The following USP13 variants were observed in gnomAD, a reference collection of about 807,000 sequenced individuals.
USP13 encodes ubiquitin carboxyl-terminal hydrolase 13.
In USP13, 68 loss-of-function variants were observed where a neutral mutation model predicts 107.8. The observed-to-expected ratio is 0.63, with a 90% CI of 0.52 to 0.77. The LOEUF is 0.77. Ranked by LOEUF, USP13 falls within the 30% of genes least tolerant of loss-of-function variation. The pLI, the probability that USP13 is intolerant of heterozygous loss-of-function variation, is 0.00. For missense variants in USP13, 945 were observed against 1,093.3 expected (o/e 0.86, Z 1.91); for synonymous variants, 377 against 389.5 (o/e 0.97, Z 0.38).
At chr3:179,723,994 A>AT (rs200927696) in intron 8 of USP13, among the ~76,000 whole-genome samples, 1 of 150,602 alleles carries the variant, frequency 6.6e-6, no homozygotes, top group African/African-American at 2.4e-5. Flanking sequence ...CCCTACAAAA[A>AT]TTTAAAAAAA....
Position 179,758,150 on chromosome 3 carries a change from C to A in USP13, c.1948+1072C>A, listed in dbSNP as rs369550701. On this transcript the variant is annotated intron_variant, in intron 16 of 20. Coordinates refer to ENST00000263966, the MANE Select transcript of USP13 (RefSeq NM_003940.3). ...AGGTGACATTTTATAGAGGATCAAA[C>A]TTCCTAGATCTAGGAAGTTTTGGAG... Among the ~76,000 whole-genome samples the A allele has an allele frequency of 3.9e-5, 6 of 152,088 alleles. No homozygotes were observed. The South Asian group carries it at 6.2e-4, about 16-fold the overall frequency.
chr3:179,679,178 ATTGGAATTTTAAACAATTTT>A (rs1239787265), intron 1 of USP13, among the ~76,000 whole-genome samples: 3 of 152,142 alleles, frequency 2.0e-5, no homozygotes, highest in Admixed American at 6.5e-5. Context: ...TTAAACAATT[ATTGGAATTTTAAACAATTTT>A]TTGGAATTTA....
chr3:179,749,749 G>A (rs1714530125), intron 13 of USP13, among the ~76,000 whole-genome samples: 1 of 152,064 alleles, frequency 6.6e-6, no homozygotes, highest in South Asian at 2.1e-4. Context: ...AATTATCCCT[G>A]CCCCAACCTT....
chr3:179,773,129 G>A (rs1715391736), intron 19 of USP13, among the ~76,000 whole-genome samples: 1 of 152,170 alleles, frequency 6.6e-6, no homozygotes, highest in East Asian at 1.9e-4. Context: ...GGAGGTGTTT[G>A]GGTCATGGGA....
intron 14 of USP13, among the ~76,000 whole-genome samples, chr3:179,754,118 A>T (rs1356867085): frequency 6.6e-6 from 1 of 152,198 alleles, no homozygotes; most frequent in African/African-American, 2.4e-5. Flanking sequence ...AACTGGGCTG[A>T]GTATAGGAGG....
At chr3:179,743,841 CAG>C (rs1436919614) in intron 12 of USP13, among the ~76,000 whole-genome samples, 1 of 148,898 alleles carries the variant, frequency 6.7e-6, no homozygotes, top group African/African-American at 2.5e-5. Flanking sequence ...TGATTGGGGA[CAG>C]GGGAATGAAT....
chr3:179,750,326 GTATATATA>G (rs569602060), intron 13 of USP13, among the ~76,000 whole-genome samples: 2 of 75,828 alleles, frequency 2.6e-5, no homozygotes, highest in African/African-American at 7.8e-5. Context: ...ATATATGTGT[GTATATATA>G]TATATATATA....
At chr3:179,782,246 A>G (rs746459343) in intron 20 of USP13, among the ~76,000 whole-genome samples, 67 of 152,228 alleles carry the variant, frequency 4.4e-4, no homozygotes, top group Non-Finnish European at 7.2e-4. Flanking sequence ...AATAAATTTC[A>G]AATATTCTAT....
chr3:179,788,664 T>A lies in USP13; in HGVS notation c.*4523T>A, dbSNP rs1160854187. 6.6e-6 allele frequency: 1 copy of A among 152,186 alleles called. No homozygotes were observed. The highest frequency in any genetic ancestry group is 1.5e-5 in the Non-Finnish European group (1 of 68,028). 9.4% of individuals were successfully genotyped at this position (152,186 alleles called of 1,614,324 possible). A position where few individuals can be genotyped will look rare whatever the true frequency, so the allele number is the denominator to read the frequency against. ...TTGAAATTAAAATTCTTTTCACCCA[T>A]TTTTATTTTTTTAAAAATGTGGCCC... On this transcript the variant is annotated 3_prime_UTR_variant, in exon 21 of 21. Coordinates refer to ENST00000263966, the MANE Select transcript of USP13 (RefSeq NM_003940.3).
At chr3:179,675,818 G>C (rs1228663070) in intron 1 of USP13, among the ~76,000 whole-genome samples, 3 of 152,096 alleles carry the variant, frequency 2.0e-5, no homozygotes, top group Non-Finnish European at 4.4e-5. Flanking sequence ...AAAGTGCTGG[G>C]ATTACAGGCT....
At chr3:179,717,493 G>A (rs1307644798) in intron 6 of USP13, among the ~76,000 whole-genome samples, 1 of 152,204 alleles carries the variant, frequency 6.6e-6, no homozygotes, top group African/African-American at 2.4e-5. Context: ...ACGAACTGTG[G>A]AGGGCTGTGT....
At chr3:179,661,385 A>T (rs1337390522) in intron 1 of USP13, among the ~76,000 whole-genome samples, 1 of 152,208 alleles carries the variant, frequency 6.6e-6, no homozygotes, top group Non-Finnish European at 1.5e-5. Context: ...GCAAATTAAA[A>T]TTTAGAGAGT....
chr3:179,654,719 T>C (rs1560036212), intron 1 of USP13, among the ~76,000 whole-genome samples: 1 of 152,210 alleles, frequency 6.6e-6, no homozygotes, highest in Non-Finnish European at 1.5e-5. Context: ...TGTGGACTAT[T>C]GTCAGAGGGG....
At chr3:179,675,381 G>A (rs1720865369) in intron 1 of USP13, among the ~76,000 whole-genome samples, 1 of 151,504 alleles carries the variant, frequency 6.6e-6, no homozygotes, top group Non-Finnish European at 1.5e-5. Flanking sequence ...ACTTTTATTG[G>A]TGATTCTTTT....
chr3:179,722,887 C>G (rs988308963), intron 8 of USP13, among the ~76,000 whole-genome samples: 1 of 152,174 alleles, frequency 6.6e-6, no homozygotes, highest in Non-Finnish European at 1.5e-5. Context: ...TGTGCTTGTA[C>G]AAGACTGCCT....
chr3:179,701,197 A>G (rs1712508106), intron 4 of USP13, 68 bp downstream of exon 4: 2 of 341,440 alleles, frequency 5.9e-6, no homozygotes, highest in Non-Finnish European at 9.8e-6. Flanking sequence ...TGCGTGTGCG[A>G]TGTGTGTGTG....
At position 179,750,304 on chromosome 3, in the gene USP13, G is replaced by GTATATA. The variant is rs61032635; in HGVS notation, c.1710-1969_1710-1964dup. ...TAATAATAAATATATATATGTGTGT[G>GTATATA]TATATATATATATATATGTGTGTAT... On this transcript the variant is annotated intron_variant, in intron 13 of 20. Coordinates refer to ENST00000263966, the MANE Select transcript of USP13 (RefSeq NM_003940.3). 3.0e-3 allele frequency among the ~76,000 whole-genome samples: 343 copies of GTATATA among 113,518 alleles called. 1 individual carries two copies. Among genetic ancestry groups the GTATATA allele is most frequent in the African/African-American group, 8.8e-3 (306 of 34,652 alleles). 74.5% of individuals were successfully genotyped at this position (113,518 alleles called of 152,430 possible). A position where few individuals can be genotyped will look rare whatever the true frequency, so the allele number is the denominator to read the frequency against.
chr3:179,746,975 A>G (rs886619287), intron 13 of USP13, among the ~76,000 whole-genome samples: 1 of 152,204 alleles, frequency 6.6e-6, no homozygotes, highest in Non-Finnish European at 1.5e-5. Flanking sequence ...TTTATTTCAA[A>G]AAGGAAAAAC....
intron 19 of USP13, among the ~76,000 whole-genome samples, chr3:179,777,101 A>G (rs1336249926): frequency 2.0e-5 from 3 of 152,170 alleles, no homozygotes; most frequent in Non-Finnish European, 2.9e-5. Flanking sequence ...AACATGGTTA[A>G]TTTAAATAAT....
Sources: allele counts gnomAD v4.1 joint callset (sites outside exome capture counted in the v4.1 genomes callset), GRCh38; gene constraint gnomAD v4.1.1; transcripts MANE v1.5; gene names NCBI Gene and HGNC (gene_info 2026-07-23, HGNC 2026-07-21).